IMMP2L: variants seen among roughly 807,000 people sequenced by gnomAD.
IMMP2L encodes the protein mitochondrial inner membrane protease subunit 2.
A neutral mutation model predicts 19.3 loss-of-function variants in IMMP2L; 18 were observed. The ratio of observed to expected loss-of-function variants is 0.93; its 90% confidence interval spans 0.64 to 1.38. The LOEUF is 1.38. IMMP2L is among the 40% of genes most tolerant of loss of function. The probability of loss-of-function intolerance (pLI) is 0.00; values close to 1 mark genes in which losing one functional copy is unlikely to be tolerated. For synonymous variants in IMMP2L, 76 were observed against 73.0 expected (o/e 1.04, Z -0.21); for missense variants, 233 against 218.2 (o/e 1.07, Z -0.43).
intron 3 of IMMP2L, among the ~76,000 whole-genome samples, chr7:111,369,261 G>A (rs922890075): frequency 3.3e-5 from 5 of 151,832 alleles, no homozygotes; most frequent in African/African-American, 7.3e-5. Context: ...ATAGCATTAC[G>A]TTTGTAAGAT....
intron 3 of IMMP2L, among the ~76,000 whole-genome samples, chr7:111,384,097 C>G (rs555479318): frequency 6.6e-6 from 1 of 151,838 alleles, no homozygotes; most frequent in Non-Finnish European, 1.5e-5. Context: ...TGAGCCATAA[C>G]TATACCAGTG....
At chr7:111,202,673 G>A (rs1215378462) in intron 3 of IMMP2L, among the ~76,000 whole-genome samples, 1 of 151,768 alleles carries the variant, frequency 6.6e-6, no homozygotes, top group Admixed American at 6.6e-5. Context: ...TATTATCCAA[G>A]CAAAAAAGGA....
At chr7:110,952,195 T>C (rs554653907) in intron 4 of IMMP2L, among the ~76,000 whole-genome samples, 2 of 152,298 alleles carry the variant, frequency 1.3e-5, no homozygotes, top group East Asian at 1.9e-4. Flanking sequence ...CAAAAGTTAC[T>C]GTTTCTCTAT....
intron 3 of IMMP2L, among the ~76,000 whole-genome samples, chr7:111,072,349 G>A (rs779142895): frequency 1.6e-4 from 25 of 152,272 alleles, no homozygotes; most frequent in Middle Eastern, 3.4e-3. Flanking sequence ...CCCTACAGTG[G>A]AGAAACCTGG....
intron 5 of IMMP2L, among the ~76,000 whole-genome samples, chr7:110,867,884 G>A (rs1256054424): frequency 6.6e-6 from 1 of 151,944 alleles, no homozygotes; most frequent in African/African-American, 2.4e-5. Flanking sequence ...TCCTCACATG[G>A]AGGTTTCTGA....
At chr7:110,977,814 A>C (rs74775580) in intron 3 of IMMP2L, among the ~76,000 whole-genome samples, 1,818 of 152,086 alleles carry the variant, frequency 0.012, 41 homozygotes, top group African/African-American at 0.042. Flanking sequence ...TAGTACAGAT[A>C]GATTAAGCCA....
At chr7:110,800,990 C>T (rs1353790471) in intron 5 of IMMP2L, among the ~76,000 whole-genome samples, 1 of 151,878 alleles carries the variant, frequency 6.6e-6, no homozygotes, top group Admixed American at 6.6e-5. Context: ...GCACTAAAAA[C>T]AAAAAAATTA....
intron 4 of IMMP2L, among the ~76,000 whole-genome samples, chr7:110,926,756 C>T: frequency 6.6e-6 from 1 of 152,146 alleles, no homozygotes; most frequent in East Asian, 1.9e-4. Context: ...TAATAAACAT[C>T]TCTATGAATT....
chr7:111,362,855 T>A (rs1829392141), intron 3 of IMMP2L, among the ~76,000 whole-genome samples: 1 of 152,098 alleles, frequency 6.6e-6, no homozygotes, highest in African/African-American at 2.4e-5. Flanking sequence ...TTGCTTGTTG[T>A]AACATGAGTC....
chr7:111,297,832 T>A (rs77464324), intron 3 of IMMP2L, among the ~76,000 whole-genome samples: 9,846 of 152,068 alleles, frequency 0.065, 412 homozygotes, highest in Middle Eastern at 0.11. Context: ...TATAAGTCCA[T>A]TTATACAAAA....
At chr7:110,907,693 C>CATGA (rs1280949594) in intron 4 of IMMP2L, among the ~76,000 whole-genome samples, 3 of 152,152 alleles carry the variant, frequency 2.0e-5, no homozygotes, top group Non-Finnish European at 2.9e-5. Context: ...AAGGCATAAT[C>CATGA]ATGAGTTCAT....
chr7:111,150,078 T>C (rs1803906994), intron 3 of IMMP2L, among the ~76,000 whole-genome samples: 1 of 152,148 alleles, frequency 6.6e-6, no homozygotes, highest in African/African-American at 2.4e-5. Context: ...CTGCCTTTAT[T>C]ATGCAGTGAC....
chr7:111,406,859 A>G (rs927950679), intron 3 of IMMP2L, among the ~76,000 whole-genome samples: 8 of 152,022 alleles, frequency 5.3e-5, no homozygotes, highest in Non-Finnish European at 4.4e-5. Flanking sequence ...AAAGGGAGTG[A>G]AGGAAGCAGG....
At chr7:111,368,135 T>C (rs1041613379) in intron 3 of IMMP2L, among the ~76,000 whole-genome samples, 4 of 151,900 alleles carry the variant, frequency 2.6e-5, no homozygotes, top group Non-Finnish European at 4.4e-5. Context: ...GCTGGTTATA[T>C]TGGATATAGG....
chr7:111,191,451 C>CACACACAT (rs1240082888), intron 3 of IMMP2L, among the ~76,000 whole-genome samples: 2 of 151,450 alleles, frequency 1.3e-5, no homozygotes, highest in Non-Finnish European at 2.9e-5. Flanking sequence ...CACACACACA[C>CACACACAT]ACACACACAC....
In IMMP2L at chr7:111,478,281, T is replaced by C. The variant is rs187419996; in HGVS notation, c.239+8957A>G. Among the ~76,000 whole-genome samples the C allele has an allele frequency of 1.3e-4, 20 of 152,338 alleles. 1 individual carries two copies. In the East Asian group the frequency reaches 2.9e-3, roughly 22 times the overall value. ...CTAATAAACTAATCTATTGAGTTCTTCATTTCAGTCACAGTTTTTATTTCT... is the reference window on the plus strand; with the variant it reads ...CTAATAAACTAATCTATTGAGTTCTCCATTTCAGTCACAGTTTTTATTTCT... On this transcript the variant is annotated intron_variant, in intron 3 of 5. Transcript: ENST00000405709.
At position 110,827,310 on chromosome 7, in the gene IMMP2L, C is replaced by T. The variant is rs146109948; in HGVS notation, c.408+59283G>A. Among the ~76,000 whole-genome samples, 745 of 152,204 alleles carry T rather than the reference C, an allele frequency of 4.9e-3. 6 individuals are homozygous for T. The highest frequency in any genetic ancestry group is 0.014 in the Middle Eastern group (4 of 294). The stretch of plus-strand genomic sequence containing the variant: ...AGGCATTCTAACCCCAAGTTCTTGT[C>T]CTTGATGTCCAAGCACACTGCTTAG... On this transcript the variant is annotated intron_variant, in intron 5 of 5. Transcript: ENST00000405709.
At chr7:110,674,020 G>A (rs912311189) in intron 5 of IMMP2L, among the ~76,000 whole-genome samples, 1 of 152,150 alleles carries the variant, frequency 6.6e-6, no homozygotes, top group Non-Finnish European at 1.5e-5. Context: ...CCAACTTACT[G>A]TATTAGTCCA....
At chr7:111,131,136 A>AT (rs1251918085) in intron 3 of IMMP2L, among the ~76,000 whole-genome samples, 1 of 151,980 alleles carries the variant, frequency 6.6e-6, no homozygotes, top group African/African-American at 2.4e-5. Context: ...TATAAAATGC[A>AT]TTTTAAAAGT....
Sources: gnomAD v4.1 joint callset for allele counts (sites outside exome capture counted in the v4.1 genomes callset) on GRCh38, gnomAD v4.1.1 for gene constraint, MANE v1.5 for transcripts, NCBI Gene and HGNC (gene_info 2026-07-23, HGNC 2026-07-21) for gene names.